The following FLT1 variants were observed in gnomAD, a reference collection of about 807,000 sequenced individuals.
FLT1 encodes the protein vascular endothelial growth factor receptor 1.
A neutral mutation model predicts 156.3 loss-of-function variants in FLT1; 49 were observed. The ratio of observed to expected loss-of-function variants is 0.31; its 90% CI spans 0.25 to 0.40. The LOEUF (loss-of-function observed/expected upper bound fraction) is 0.40, where lower values mean the gene tolerates loss of function less well. Among genes scored for constraint, FLT1 ranks in the 10% least tolerant of loss-of-function variants. The pLI is 1.00. For synonymous variants in FLT1, 594 were observed against 583.8 expected (o/e 1.02, Z -0.25); for missense variants, 1,322 against 1,637.2 (o/e 0.81, Z 3.32).
chr13:28,438,145 A>G, intron 4 of FLT1, 76 bp downstream of exon 4: 4 of 1,459,286 alleles, frequency 2.7e-6, no homozygotes, highest in Non-Finnish European at 1.9e-6. Flanking sequence ...ATTATTCCAG[A>G]AAGATAGAAC....
chr13:28,372,039 T>TGTGTGTG (rs1555232336), intron 14 of FLT1, among the ~76,000 whole-genome samples: 11 of 16,486 alleles, frequency 6.7e-4, no homozygotes, highest in African/African-American at 1.5e-3. Context: ...TGTGTGTGTG[T>TGTGTGTG]GTGTGTGTGT....
chr13:28,305,783 C>CG (rs1306697396), intron 29 of FLT1, among the ~76,000 whole-genome samples: 4 of 152,052 alleles, frequency 2.6e-5, no homozygotes, highest in Non-Finnish European at 2.9e-5. Flanking sequence ...TTTTTTGCAA[C>CG]TTTTTTAGCT....
At chr13:28,383,532 G>A (rs555451162) in intron 14 of FLT1, among the ~76,000 whole-genome samples, 6 of 152,124 alleles carry the variant, frequency 3.9e-5, no homozygotes, top group African/African-American at 7.2e-5. Context: ...GCGTGGTGGC[G>A]GGCACCTGTA....
chr13:28,335,266 C>T (rs1872073937), intron 17 of FLT1, among the ~76,000 whole-genome samples: 1 of 152,046 alleles, frequency 6.6e-6, no homozygotes, highest in Admixed American at 6.5e-5. Context: ...GACAGAATAC[C>T]ACTGGTTGGT....
At chr13:28,383,996 ATCCCATGGCAC>A (rs1565995481) in intron 14 of FLT1, among the ~76,000 whole-genome samples, 1 of 152,184 alleles carries the variant, frequency 6.6e-6, no homozygotes, top group Admixed American at 6.5e-5. Context: ...TTTCCCACGG[ATCCCATGGCAC>A]TATATGTATT....
At chr13:28,388,438 T>C (rs534871675) in intron 13 of FLT1, 1 of 1,048,516 alleles carries the variant, frequency 9.5e-7, no homozygotes, top group Admixed American at 5.6e-5. Flanking sequence ...CAGCCATGGC[T>C]ATTTTGGTCA....
intron 14 of FLT1, among the ~76,000 whole-genome samples, chr13:28,359,609 T>C (rs1873033189): frequency 6.6e-6 from 1 of 152,038 alleles, no homozygotes; most frequent in Admixed American, 6.6e-5. Context: ...AACCTACAGA[T>C]TGGGAAAAAG....
At chr13:28,325,816 C>CA (rs377427677) in intron 20 of FLT1, among the ~76,000 whole-genome samples, 21,776 of 71,256 alleles carry the variant, frequency 0.31, 4,097 homozygotes, top group African/African-American at 0.42. Flanking sequence ...AACTCTGTCT[C>CA]AAAAAAAAAA....
At chr13:28,481,278 T>C (rs992551756) in intron 1 of FLT1, among the ~76,000 whole-genome samples, 13 of 118,280 alleles carry the variant, frequency 1.1e-4, no homozygotes, top group African/African-American at 4.2e-4. Flanking sequence ...TTCTCAATCC[T>C]GAGTCTACAG....
intron 10 of FLT1, among the ~76,000 whole-genome samples, chr13:28,414,306 C>G (rs942976331): frequency 6.6e-6 from 1 of 152,196 alleles, no homozygotes; most frequent in Non-Finnish European, 1.5e-5. Context: ...TAGTCTTACA[C>G]ATTTTTTGAC....
chr13:28,387,697 T>C (rs1290354923), intron 13 of FLT1: 4 of 1,063,226 alleles, frequency 3.8e-6, no homozygotes, highest in Non-Finnish European at 4.6e-6. Context: ...AGGCTCCTTT[T>C]TTCTCCTTTT....
intron 13 of FLT1, chr13:28,387,837 GATTA>G (rs1280749098): frequency 2.5e-5 from 26 of 1,026,118 alleles, no homozygotes; most frequent in Middle Eastern, 4.4e-4. Context: ...TCTCCGGAAG[GATTA>G]ATTACACAGT....
chr13:28,447,214 A>G (rs1260100105), intron 3 of FLT1, among the ~76,000 whole-genome samples: 4 of 144,054 alleles, frequency 2.8e-5, no homozygotes, highest in Non-Finnish European at 4.5e-5. Flanking sequence ...AAAGGGTCTC[A>G]CTTTTCTAGG....
intron 14 of FLT1, chr13:28,368,569 T>A: frequency 6.6e-7 from 1 of 1,517,632 alleles, no homozygotes; most frequent in Non-Finnish European, 9.0e-7. Context: ...ATGATGATAA[T>A]GATGATAGCT....
intron 12 of FLT1, among the ~76,000 whole-genome samples, chr13:28,392,561 TAG>T (rs1160925805): frequency 2.0e-5 from 3 of 152,218 alleles, no homozygotes; most frequent in African/African-American, 4.8e-5. Context: ...TGAGATCGTG[TAG>T]AGAGTTTCTA....
intron 3 of FLT1, among the ~76,000 whole-genome samples, chr13:28,463,741 C>G (rs1879710044): frequency 6.6e-6 from 1 of 152,096 alleles, no homozygotes; most frequent in Admixed American, 6.6e-5. Context: ...TAAAATAAAC[C>G]TGTCATGGAA....
intron 10 of FLT1, among the ~76,000 whole-genome samples, chr13:28,417,217 T>C (rs1876704306): frequency 1.3e-5 from 2 of 152,224 alleles, no homozygotes; most frequent in Admixed American, 1.3e-4. Context: ...AAATTACCTT[T>C]CCAATTTTGG....
chr13:28,358,651 G>C (rs1408266011), intron 14 of FLT1, among the ~76,000 whole-genome samples: 1 of 152,128 alleles, frequency 6.6e-6, no homozygotes, highest in East Asian at 1.9e-4. Flanking sequence ...CTAAGATGTG[G>C]GCAGGCTAAG....
chr13:28,411,268 C>T (rs1392386411), intron 10 of FLT1, among the ~76,000 whole-genome samples: 2 of 151,630 alleles, frequency 1.3e-5, no homozygotes, highest in Non-Finnish European at 2.9e-5. Flanking sequence ...AAAAAAAAAT[C>T]TGGCCAGGCG....
Sources: gnomAD v4.1 joint callset for allele counts (sites outside exome capture counted in the v4.1 genomes callset) on GRCh38, gnomAD v4.1.1 for gene constraint, MANE v1.5 for transcripts, NCBI Gene and HGNC (gene_info 2026-07-23, HGNC 2026-07-21) for gene names.